The following HS3ST5 variants were observed in gnomAD, a reference collection of about 807,000 sequenced individuals.
HS3ST5 encodes heparan sulfate-glucosamine 3-sulfotransferase 5.
In HS3ST5, 10 loss-of-function variants were observed where a neutral mutation model predicts 25.4. The ratio of observed to expected loss-of-function variants is 0.39; its 90% confidence interval spans 0.24 to 0.67. HS3ST5 has a LOEUF of 0.67. Ranked by LOEUF, HS3ST5 falls within the 30% of genes least tolerant of loss-of-function variation. HS3ST5 has a pLI of 0.44. For missense variants in HS3ST5, 324 were observed against 420.7 expected (o/e 0.77, Z 2.01); for synonymous variants, 170 against 162.4 (o/e 1.05, Z -0.36).
chr6:114,327,143 G>A (rs1776205767), intron 1 of HS3ST5, among the ~76,000 whole-genome samples: 1 of 152,144 alleles, frequency 6.6e-6, no homozygotes, highest in Non-Finnish European at 1.5e-5. Context: ...AAACAATGAT[G>A]ACACATTCTT....
At chr6:114,200,893 T>G (rs896141345) in intron 2 of HS3ST5, among the ~76,000 whole-genome samples, 5 of 152,296 alleles carry the variant, frequency 3.3e-5, no homozygotes, top group South Asian at 2.1e-4. Flanking sequence ...ATCAATTCTC[T>G]CAAGGATGCT....
intron 3 of HS3ST5, among the ~76,000 whole-genome samples, chr6:114,162,497 C>A (rs2114986429): frequency 6.6e-6 from 1 of 152,278 alleles, no homozygotes; most frequent in East Asian, 1.9e-4. Context: ...TTCCACCAAT[C>A]CATCCTGCCT....
intron 1 of HS3ST5, among the ~76,000 whole-genome samples, chr6:114,255,944 C>T (rs886817266): frequency 2.6e-5 from 4 of 152,200 alleles, no homozygotes; most frequent in African/African-American, 9.7e-5. Flanking sequence ...TTTGACTCCT[C>T]ATTACTTATG....
chr6:114,181,644 A>C (rs9481426), intron 2 of HS3ST5, among the ~76,000 whole-genome samples: 1 of 151,954 alleles, frequency 6.6e-6, no homozygotes, highest in Admixed American at 6.5e-5. Context: ...ACCTTGTATT[A>C]AGCTGCTATT....
intron 1 of HS3ST5, among the ~76,000 whole-genome samples, chr6:114,232,810 T>C (rs1046835890): frequency 2.6e-5 from 4 of 152,320 alleles, no homozygotes; most frequent in African/African-American, 7.2e-5. Context: ...CTGTGTATCC[T>C]CCTCTTCTTT....
At chr6:114,284,959 C>A (rs1369379306) in intron 1 of HS3ST5, among the ~76,000 whole-genome samples, 1 of 151,964 alleles carries the variant, frequency 6.6e-6, no homozygotes, top group Non-Finnish European at 1.5e-5. Context: ...GACCCATTAT[C>A]TAAGGGGCTA....
At chr6:114,237,341 T>G (rs1052544020) in intron 1 of HS3ST5, among the ~76,000 whole-genome samples, 1 of 151,992 alleles carries the variant, frequency 6.6e-6, no homozygotes, top group Admixed American at 6.6e-5. Flanking sequence ...TTTTTTTTTT[T>G]TAATGAAAAT....
At chr6:114,084,804 C>T in intron 3 of HS3ST5, 2 of 693,716 alleles carry the variant, frequency 2.9e-6, no homozygotes, top group South Asian at 1.6e-5. Context: ...TTTTCAAACT[C>T]TTAGAAAATT....
chr6:114,326,020 C>G (rs2114897943), intron 1 of HS3ST5, among the ~76,000 whole-genome samples: 1 of 152,234 alleles, frequency 6.6e-6, no homozygotes, highest in African/African-American at 2.4e-5. Context: ...CAAGGAACTA[C>G]CCCTTATTTA....
At chr6:114,250,315 C>A (rs1302085292) in intron 1 of HS3ST5, among the ~76,000 whole-genome samples, 2 of 152,260 alleles carry the variant, frequency 1.3e-5, no homozygotes, top group South Asian at 2.1e-4. Context: ...GGCACGATGG[C>A]TCAGGCCTGT....
At chr6:114,223,149 AT>A (rs575432990) in intron 2 of HS3ST5, among the ~76,000 whole-genome samples, 1 of 151,458 alleles carries the variant, frequency 6.6e-6, no homozygotes, top group African/African-American at 2.4e-5. Context: ...ATTTTTGAAT[AT>A]TTTTTTCATT....
At chr6:114,307,357 T>TG (rs924943743) in intron 1 of HS3ST5, among the ~76,000 whole-genome samples, 6 of 140,432 alleles carry the variant, frequency 4.3e-5, no homozygotes, top group Admixed American at 7.3e-5. Context: ...ATATCCTTAC[T>TG]GTTTTTTTTT....
intron 3 of HS3ST5, among the ~76,000 whole-genome samples, chr6:114,150,449 A>G (rs1778395589): frequency 1.3e-5 from 2 of 152,258 alleles, no homozygotes; most frequent in South Asian, 4.1e-4. Flanking sequence ...TTTTGACTAA[A>G]TACATCAAAA....
chr6:114,156,982 T>A (rs1002725212), intron 3 of HS3ST5, among the ~76,000 whole-genome samples: 3 of 152,210 alleles, frequency 2.0e-5, no homozygotes, highest in African/African-American at 7.2e-5. Context: ...GTTTCTCACC[T>A]GAACTCAACG....
chr6:114,084,659 TG>T, intron 3 of HS3ST5: 1 of 1,096,446 alleles, frequency 9.1e-7, no homozygotes, highest in Non-Finnish European at 1.4e-6. Flanking sequence ...GAGAGGCTGA[TG>T]GTCAGCCCTG....
At chr6:114,213,350 G>A (rs1781603240) in intron 2 of HS3ST5, among the ~76,000 whole-genome samples, 2 of 135,624 alleles carry the variant, frequency 1.5e-5, no homozygotes, top group African/African-American at 5.3e-5. Context: ...CGGGGGTGGG[G>A]GGGTGGGCAG....
rs375297092 is a variant in HS3ST5, at chr6:114,213,796, C to T, written c.-145+14789G>A. The stretch of plus-strand genomic sequence containing the variant: ...AAAATCTTTCACTATTTTATCTCTA[C>T]GATCCCCAGTCCATCTTTGATCCCC... On this transcript the variant is annotated intron_variant, in intron 2 of 4. Transcript: ENST00000312719. 1.6e-4 allele frequency among the ~76,000 whole-genome samples: 24 copies of T among 152,266 alleles called. No homozygotes were observed. In the South Asian group the frequency reaches 4.6e-3, roughly 29 times the overall value.
At chr6:114,084,612 G>T in intron 3 of HS3ST5, 1 of 786,860 alleles carries the variant, frequency 1.3e-6, no homozygotes, top group South Asian at 1.3e-5. Context: ...AATTGTTACA[G>T]AGCAATGCTA....
intron 2 of HS3ST5, among the ~76,000 whole-genome samples, chr6:114,213,198 C>A (rs1284248261): frequency 2.6e-5 from 4 of 152,006 alleles, no homozygotes. Flanking sequence ...AGCCATCCTT[C>A]TGAAGTCAAG....
Sources: allele counts gnomAD v4.1 joint callset (sites outside exome capture counted in the v4.1 genomes callset), GRCh38; gene constraint gnomAD v4.1.1; transcripts MANE v1.5; gene names NCBI Gene and HGNC (gene_info 2026-07-23, HGNC 2026-07-21).